CYP2C18: variants seen among roughly 807,000 people sequenced by gnomAD.
The protein encoded by CYP2C18 is cytochrome P450 2C18.
Under a neutral mutation model 41.3 loss-of-function variants are expected in CYP2C18, and 38 were observed. That is an observed-to-expected ratio of 0.92 (90% CI 0.71 to 1.21). The LOEUF is 1.21. CYP2C18 is among the 50% of genes most tolerant of loss of function. CYP2C18 has a pLI of 0.00. For synonymous variants in CYP2C18, 236 were observed against 210.0 expected (o/e 1.12, Z -1.07); for missense variants, 635 against 591.4 (o/e 1.07, Z -0.77).
rs559957831 is a variant in CYP2C18, at chr10:94,704,393, A to G, written c.643-2391A>G. ...CTTTTCAAAACTATTTTTGCAAGTC[A>G]TGTGTGGTTTCTGAAGTCTTTTCTT... On this transcript the variant is annotated intron_variant, in intron 4 of 8. Transcript: ENST00000285979. Among the ~76,000 whole-genome samples the G allele has an allele frequency of 6.8e-4, 103 of 150,568 alleles. 1 individual carries two copies. The highest frequency in any genetic ancestry group is 2.5e-3 in the African/African-American group (101 of 40,994).
chr10:94,705,561 C>T (rs1488643535), intron 4 of CYP2C18, among the ~76,000 whole-genome samples: 1 of 152,108 alleles, frequency 6.6e-6, no homozygotes, highest in Non-Finnish European at 1.5e-5. Context: ...TTTAAGTTGC[C>T]ATTTTTTTTA....
intron 5 of CYP2C18, among the ~76,000 whole-genome samples, chr10:94,715,396 T>C (rs1185343277): frequency 6.6e-6 from 1 of 152,232 alleles, no homozygotes; most frequent in Non-Finnish European, 1.5e-5. Flanking sequence ...TGAAGGTTTT[T>C]GAATTTTGTC....
chr10:94,724,310 C>T, intron 6 of CYP2C18, 36 bp from the exon 7 acceptor site: 1 of 1,607,020 alleles, frequency 6.2e-7, no homozygotes, highest in South Asian at 1.1e-5. Flanking sequence ...TGCCATTTTC[C>T]TCCTTTTCCA....
At position 94,705,099 on chromosome 10, in the gene CYP2C18, G is replaced by C. The variant is rs77768871; in HGVS notation, c.643-1685G>C. ...CAGGGCTGCCCTTGACAAGATCACTGCCAAGCTGATGAGGGAGGTGGTACA... is the reference window on the plus strand; with the variant it reads ...CAGGGCTGCCCTTGACAAGATCACTCCCAAGCTGATGAGGGAGGTGGTACA... On this transcript the variant is annotated intron_variant, in intron 4 of 8. Transcript: ENST00000285979. Among the ~76,000 whole-genome samples, 4 of 152,282 alleles carry C rather than the reference G, an allele frequency of 2.6e-5. No individual in the cohort carries two copies. In the East Asian group the frequency reaches 7.7e-4, roughly 29 times the overall value.
At chr10:94,729,806 A>T (rs1205259768) in intron 7 of CYP2C18, among the ~76,000 whole-genome samples, 1 of 152,132 alleles carries the variant, frequency 6.6e-6, no homozygotes, top group Non-Finnish European at 1.5e-5. Flanking sequence ...CTAGGGTTTT[A>T]GCAAGTTAAA....
chr10:94,733,291 T>C lies in CYP2C18; in HGVS notation c.1150-6T>C. Reference sequence around the variant, plus strand: ...TAACTTAGTTTGTCTGTTTTGCTATTTTCAGGGCACGACCATAATAACATC... The same window carrying C: ...TAACTTAGTTTGTCTGTTTTGCTATCTTCAGGGCACGACCATAATAACATC... On this transcript the variant is annotated splice_region_variant and splice_polypyrimidine_tract_variant and intron_variant, in intron 7 of 8. Coordinates refer to ENST00000285979, the MANE Select transcript of CYP2C18 (RefSeq NM_000772.3). The C allele has an allele frequency of 6.2e-7, 1 of 1,611,358 alleles. No individual in the cohort carries two copies. Among genetic ancestry groups the C allele is most frequent in the Non-Finnish European group, 8.5e-7 (1 of 1,178,668 alleles).
At chr10:94,695,954 G>A (rs1189626229) in intron 4 of CYP2C18, among the ~76,000 whole-genome samples, 2 of 151,954 alleles carry the variant, frequency 1.3e-5, no homozygotes, top group South Asian at 4.2e-4. Flanking sequence ...TGCCATTACT[G>A]AGGCTTGAGT....
At chr10:94,689,002 G>A (rs1302192864) in intron 3 of CYP2C18, among the ~76,000 whole-genome samples, 1 of 152,096 alleles carries the variant, frequency 6.6e-6, no homozygotes, top group Non-Finnish European at 1.5e-5. Context: ...TAAGGTCTGT[G>A]TCTACAATTT....
At chr10:94,723,658 T>G (rs1169332681) in intron 6 of CYP2C18, among the ~76,000 whole-genome samples, 1 of 151,824 alleles carries the variant, frequency 6.6e-6, no homozygotes, top group Non-Finnish European at 1.5e-5. Context: ...GAAACTAGAG[T>G]GGGGGAAGTG....
At chr10:94,726,188 AAATTTTTTTTC>A (rs1253440849) in intron 7 of CYP2C18, among the ~76,000 whole-genome samples, 1 of 141,492 alleles carries the variant, frequency 7.1e-6, no homozygotes, top group Non-Finnish European at 1.5e-5. Context: ...CAGTCAAAAA[AAATTTTTTTTC>A]AATTTTTTTT....
chr10:94,715,524 G>T (rs1212091781), intron 5 of CYP2C18, among the ~76,000 whole-genome samples: 1 of 152,148 alleles, frequency 6.6e-6, no homozygotes, highest in African/African-American at 2.4e-5. Flanking sequence ...GCATCCCAGG[G>T]ATGAAGCCAA....
At chr10:94,692,810 G>A (rs1405775540) in intron 3 of CYP2C18, among the ~76,000 whole-genome samples, 2 of 152,130 alleles carry the variant, frequency 1.3e-5, no homozygotes, top group East Asian at 1.9e-4. Context: ...AGAAAATGTG[G>A]CACATATACA....
Position 94,688,269 on chromosome 10 carries a change from C to A in CYP2C18, c.476C>A (p.Thr159Asn). The A allele has an allele frequency of 6.2e-7, 1 of 1,604,646 alleles. No homozygotes were observed. The highest frequency in any genetic ancestry group is 1.1e-5 in the South Asian group (1 of 87,392). ...TGCCTTGTGGAGGAGTTGAGAAAAA[C>A]CAATGGTGGGTGACTTTTTTTTTTC... ...ARCLVEELRK[T>N]NASPCDPTFI... Residue 159 changes from threonine to asparagine, a missense_variant, in exon 3 of 9, where the codon ACC becomes AAC. Coordinates refer to ENST00000285979, the MANE Select transcript of CYP2C18 (RefSeq NM_000772.3).
intron 5 of CYP2C18, among the ~76,000 whole-genome samples, chr10:94,720,008 G>T (rs148990619): frequency 6.6e-6 from 1 of 151,992 alleles, no homozygotes; most frequent in Non-Finnish European, 1.5e-5. Context: ...CACCACAGAT[G>T]GACTTGTTAT....
chr10:94,684,117 A>G lies in CYP2C18; in HGVS notation c.168+130A>G, dbSNP rs533848732. 91 of 598,502 alleles carry G rather than the reference A, an allele frequency of 1.5e-4. 1 individual carries two copies. In the East Asian group the frequency reaches 2.7e-3, roughly 18 times the overall value. 37.1% of individuals were successfully genotyped at this position (598,502 alleles called of 1,614,324 possible). A position where few individuals can be genotyped will look rare whatever the true frequency, so the allele number is the denominator to read the frequency against. ...TAATGGGGTACAATATTACATTTTGATACATGTATAGATTGTGAATTGATC... is the reference window on the plus strand; with the variant it reads ...TAATGGGGTACAATATTACATTTTGGTACATGTATAGATTGTGAATTGATC... On this transcript the variant is annotated intron_variant, in intron 1 of 8. Coordinates refer to ENST00000285979, the MANE Select transcript of CYP2C18 (RefSeq NM_000772.3).
intron 8 of CYP2C18, among the ~76,000 whole-genome samples, chr10:94,734,901 C>T (rs1281092959): frequency 6.6e-6 from 1 of 152,138 alleles, no homozygotes; most frequent in Non-Finnish European, 1.5e-5. Context: ...AAGGGGAACA[C>T]ACTATATGAG....
At chr10:94,688,312 A>C (rs541321142) in intron 3 of CYP2C18, 38 bp downstream of exon 3, 26 of 1,569,354 alleles carry the variant, frequency 1.7e-5, no homozygotes, top group Non-Finnish European at 2.0e-5. Flanking sequence ...ATGTTTTCTA[A>C]AATTTATTTT....
intron 4 of CYP2C18, among the ~76,000 whole-genome samples, chr10:94,700,108 A>G (rs1847206871): frequency 6.6e-6 from 1 of 152,208 alleles, no homozygotes; most frequent in Non-Finnish European, 1.5e-5. Context: ...GACTTTCTGC[A>G]CAGAATTGGA....
intron 5 of CYP2C18, among the ~76,000 whole-genome samples, chr10:94,718,177 A>G (rs945049293): frequency 5.3e-5 from 8 of 151,748 alleles, no homozygotes; most frequent in Admixed American, 1.3e-4. Flanking sequence ...GGTTAAATGT[A>G]CTCCTAAATA....
Sources: gnomAD v4.1 joint callset for allele counts (sites outside exome capture counted in the v4.1 genomes callset) on GRCh38, gnomAD v4.1.1 for gene constraint, MANE v1.5 for transcripts, NCBI Gene and HGNC (gene_info 2026-07-23, HGNC 2026-07-21) for gene names.